The following VWA3A variants were observed in gnomAD, a reference collection of about 807,000 sequenced individuals.
VWA3A encodes the protein von Willebrand factor A domain-containing protein 3A.
Under a neutral mutation model 160.4 loss-of-function variants are expected in VWA3A, and 134 were observed. That is an observed-to-expected ratio of 0.84 (90% CI 0.73 to 0.96). The LOEUF is 0.96. VWA3A is among the 40% of genes least tolerant of loss of function. The pLI is 0.00. For synonymous variants in VWA3A, 476 were observed against 543.4 expected, an observed-to-expected ratio of 0.88 and a Z score of 1.72; for missense variants, 1,310 against 1,447.9, an observed-to-expected ratio of 0.90 and a Z score of 1.55.
intron 21 of VWA3A, among the ~76,000 whole-genome samples, chr16:22,137,607 G>T (rs1221182265): frequency 6.6e-6 from 1 of 152,164 alleles, no homozygotes; most frequent in Non-Finnish European, 1.5e-5. Context: ...TTAATTATAG[G>T]ACTGCCAAAC....
intron 3 of VWA3A, among the ~76,000 whole-genome samples, chr16:22,099,967 C>A (rs558513956): frequency 1.3e-5 from 2 of 151,904 alleles, no homozygotes; most frequent in Non-Finnish European, 2.9e-5. Context: ...CCCAGCTACT[C>A]GGGAGGCAGA....
At chr16:22,122,559 C>T (rs2045761527) in intron 14 of VWA3A, among the ~76,000 whole-genome samples, 1 of 151,850 alleles carries the variant, frequency 6.6e-6, no homozygotes, top group Non-Finnish European at 1.5e-5. Flanking sequence ...GAGTAAGGGA[C>T]ATGTAGGTCT....
chr16:22,152,419 C>T (rs1303106835), intron 30 of VWA3A, 92 bp from the exon 31 acceptor site: 6 of 1,516,090 alleles, frequency 4.0e-6, no homozygotes, highest in Non-Finnish European at 5.3e-6. Context: ...CTCTTAAGCC[C>T]CACGGACTTA....
At position 22,115,925 on chromosome 16, in the gene VWA3A, A is replaced by AAGGAAGGGAG. The variant is rs1567203063; in HGVS notation, c.815+453_815+454insAGGAAGGGAG. ...AGGAAGGAAGGAAGGAAGGAAGGAAAGGAAAGGAAAGGAAGGGAGGAGGGG... is the reference window on the plus strand; with the variant it reads ...AGGAAGGAAGGAAGGAAGGAAGGAAAAGGAAGGGAGGGAAAGGAAAGGAAGGGAGGAGGGG... On this transcript the variant is annotated intron_variant, in intron 9 of 33. Transcript: ENST00000389398. 3.8e-4 allele frequency among the ~76,000 whole-genome samples: 7 copies of AAGGAAGGGAG among 18,460 alleles called. 1 individual carries two copies. The highest frequency in any genetic ancestry group is 7.5e-4 in the Admixed American group (1 of 1,326). The allele number at this position is 18,460 out of a possible 152,430, so 12.1% of individuals were successfully genotyped here. A position where few individuals can be genotyped will look rare whatever the true frequency, so the allele number is the denominator to read the frequency against.
intron 7 of VWA3A, 26 bp downstream of exon 7, chr16:22,109,606 A>T (rs1259328777): frequency 6.3e-7 from 1 of 1,593,944 alleles, no homozygotes; most frequent in South Asian, 1.1e-5. Flanking sequence ...ACAGAGAAAC[A>T]CCTGGAACCA....
chr16:22,094,642 C>T (rs1413008832), intron 1 of VWA3A, among the ~76,000 whole-genome samples: 3 of 151,890 alleles, frequency 2.0e-5, no homozygotes, highest in Non-Finnish European at 2.9e-5. Context: ...AGGTCTCACA[C>T]GTGCCTGGGA....
At position 22,150,754 on chromosome 16, in the gene VWA3A, C is replaced by T. The variant is rs779445689; in HGVS notation, c.3189C>T (p.Asp1063=). ...GLYLLTDGKP[D]TSCSLVLNEV... is the part of the protein sequence containing the mutation. The stretch of plus-strand genomic sequence containing the variant: ...ACCTCCTGACCGACGGAAAGCCAGA[C>T]ACAAGCTGCAGCCTTGTCCTAAATG... The change falls in exon 30 of 34, where the codon GAC becomes GAT. Residue 1063 remains aspartate, a synonymous_variant. Coordinates refer to ENST00000389398, the MANE Select transcript of VWA3A (RefSeq NM_173615.5). 1.2e-6 allele frequency: 2 copies of T among 1,612,768 alleles called. No homozygotes were observed. The highest frequency in any genetic ancestry group is 1.7e-6 in the Non-Finnish European group (2 of 1,179,400).
rs1011943813 is a variant in VWA3A at position 22,103,338 on chromosome 16, T to C, written c.429-137T>C. The C allele has an allele frequency of 2.2e-5, 17 of 766,138 alleles. No homozygotes were observed. In the African/African-American group the frequency reaches 2.6e-4, roughly 12 times the overall value. 47.5% of individuals were successfully genotyped at this position (766,138 alleles called of 1,614,324 possible). A position where few individuals can be genotyped will look rare whatever the true frequency, so the allele number is the denominator to read the frequency against. Reference sequence around the variant, plus strand: ...CGTGCACTACAGTGCACCTAAAAGGTTCACCACCTTCTTCCAAGAACCTAT... The same window carrying C: ...CGTGCACTACAGTGCACCTAAAAGGCTCACCACCTTCTTCCAAGAACCTAT... On this transcript the variant is annotated intron_variant, in intron 5 of 33. Coordinates refer to ENST00000389398, the MANE Select transcript of VWA3A (RefSeq NM_173615.5).
chr16:22,138,293 G>GTGTA lies in VWA3A; in HGVS notation c.2140-64_2140-63insATGT. On this transcript the variant is annotated intron_variant, in intron 21 of 33. Coordinates refer to ENST00000389398, the MANE Select transcript of VWA3A (RefSeq NM_173615.5). Reference sequence around the variant, plus strand: ...TCCAGTGGATACAGTCCCTCCTGCTGTGTGTGTGTGTGTGTGTGTGTCCAC... The same window carrying GTGTA: ...TCCAGTGGATACAGTCCCTCCTGCTGTGTATGTGTGTGTGTGTGTGTGTGTCCAC... The GTGTA allele has an allele frequency of 1.0e-5, 7 of 686,372 alleles. No homozygotes were observed. In the South Asian group the frequency reaches 1.5e-4, roughly 14 times the overall value. The allele number at this position is 686,372 out of a possible 1,614,324, so 42.5% of individuals were successfully genotyped here.
At chr16:22,128,395 G>A (rs182686822) in intron 17 of VWA3A, among the ~76,000 whole-genome samples, 50 of 152,212 alleles carry the variant, frequency 3.3e-4, no homozygotes, top group Middle Eastern at 6.8e-3. Context: ...GAAAGAGTGC[G>A]TGGCCAGTAA....
rs397754746 is a variant in VWA3A, at chr16:22,096,963, A to ATTT, written c.101+36_101+38dup. The ATTT allele has an allele frequency of 2.0e-3, 2,115 of 1,075,844 alleles. No homozygotes were observed. The highest frequency in any genetic ancestry group is 2.2e-3 in the Non-Finnish European group (1,720 of 781,096). 66.6% of individuals were successfully genotyped at this position (1,075,844 alleles called of 1,614,324 possible). A position where few individuals can be genotyped will look rare whatever the true frequency, so the allele number is the denominator to read the frequency against. ...AACCATTGGTAAGCATAGTTCTCTG[A>ATTT]TTTTTTTTTTTTTTTTTTTTGAGGC... On this transcript the variant is annotated intron_variant, in intron 2 of 33. Transcript: ENST00000389398.
At chr16:22,133,935 G>C (rs1489705290) in intron 20 of VWA3A, among the ~76,000 whole-genome samples, 1 of 152,126 alleles carries the variant, frequency 6.6e-6, no homozygotes, top group African/African-American at 2.4e-5. Flanking sequence ...CACAGCACAT[G>C]GTTGGCAAGA....
chr16:22,094,007 C>T (rs1187767485), intron 1 of VWA3A, among the ~76,000 whole-genome samples: 2 of 151,832 alleles, frequency 1.3e-5, no homozygotes, highest in Non-Finnish European at 1.5e-5. Context: ...ACTCCTGGCT[C>T]AAGCAATCTC....
chr16:22,103,976 C>CA (rs2045445274), intron 6 of VWA3A, among the ~76,000 whole-genome samples: 1 of 152,080 alleles, frequency 6.6e-6, no homozygotes, highest in Non-Finnish European at 1.5e-5. Flanking sequence ...AAATAAAAGA[C>CA]AGGGGGGAAG....
At chr16:22,117,047 G>A (rs2045660979) in intron 10 of VWA3A, 64 bp from the exon 11 acceptor site, 3 of 1,529,704 alleles carry the variant, frequency 2.0e-6, no homozygotes, top group Admixed American at 4.0e-5. Flanking sequence ...TTCAGTCAAG[G>A]AGAAGGCTTA....
chr16:22,146,198 G>T, intron 26 of VWA3A, 38 bp from the exon 27 acceptor site: 1 of 1,519,006 alleles, frequency 6.6e-7, no homozygotes, highest in South Asian at 1.1e-5. Context: ...AGAAATGACT[G>T]ATGGGGTGGG....
Position 22,100,439 on chromosome 16 carries a change from A to C in VWA3A, c.374A>C (p.Gln125Pro). 1.3e-6 allele frequency: 2 copies of C among 1,551,664 alleles called. No homozygotes were observed. The highest frequency in any genetic ancestry group is 8.7e-7 in the Non-Finnish European group (1 of 1,147,006). ...EVLEEGTNVV[Q>P]KICFSTQIIR... ...AGGGAGGAGGGCACCAATGTCGTGC[A>C]GAAAATATGTTTCTCCACCCAGATC... Residue 125 changes from glutamine to proline, a missense_variant, in exon 5 of 34, where the codon CAG (glutamine) becomes CCG (proline). By Grantham distance (76) the Gln-to-Pro change is moderately conservative (BLOSUM62 -1). Transcript: ENST00000389398.
rs1204165028 is a variant in VWA3A at position 22,133,636 on chromosome 16, C to CA, written c.2068+545dup. ...CTACACTCCAGCCTGGGTGACAGAG[C>CA]AAAACTCTGTCTCAAAAAAAAAAAA... On this transcript the variant is annotated intron_variant, in intron 20 of 33. Transcript: ENST00000389398. Among the ~76,000 whole-genome samples, 53 of 77,514 alleles carry CA rather than the reference C, an allele frequency of 6.8e-4. No individual in the cohort carries two copies. The East Asian group carries it at 0.023, about 34-fold the overall frequency. 50.9% of individuals were successfully genotyped at this position (77,514 alleles called of 152,430 possible).
intron 6 of VWA3A, among the ~76,000 whole-genome samples, chr16:22,108,259 T>A (rs1218510729): frequency 6.6e-6 from 1 of 152,176 alleles, no homozygotes; most frequent in Non-Finnish European, 1.5e-5. Flanking sequence ...TGGGCAATAT[T>A]ATAACCTGTT....
Sources: gnomAD v4.1 joint callset for allele counts (sites outside exome capture counted in the v4.1 genomes callset) on GRCh38, gnomAD v4.1.1 for gene constraint, MANE v1.5 for transcripts, NCBI Gene and HGNC (gene_info 2026-07-23, HGNC 2026-07-21) for gene names.